The following ZNF436 variants were observed in gnomAD, a reference collection of about 807,000 sequenced individuals.
ZNF436 encodes the protein zinc finger protein 436.
A neutral mutation model predicts 41.9 loss-of-function variants in ZNF436; 22 were observed. The ratio of observed to expected loss-of-function variants is 0.53; its 90% CI spans 0.38 to 0.75. ZNF436 has a LOEUF of 0.75. Ranked by LOEUF, ZNF436 falls within the 30% of genes least tolerant of loss-of-function variation. The pLI is 0.00. For synonymous variants in ZNF436, 217 were observed against 197.8 expected (o/e 1.10, Z -0.82); for missense variants, 506 against 587.3 (o/e 0.86, Z 1.43).
chr1:23,363,187 G>T lies in ZNF436; in HGVS notation c.195C>A (p.Pro65=). 4 of 1,613,462 alleles carry T rather than the reference G, an allele frequency of 2.5e-6. No homozygotes were observed. In the Middle Eastern group the frequency reaches 4.9e-4, roughly 200 times the overall value. The part of the protein sequence containing the change: ...FEIRSENEVN[P]KQEISEDVQF... ...GTACATCTTCACTAATCTCTTGCTT[G>T]GGATTTACCTCGTTCTCACTCCTGA... Residue 65 remains proline, a synonymous_variant, in exon 4 of 4, where the codon CCC becomes CCA. Transcript: ENST00000314011.
rs369424320 is a variant in ZNF436, at chr1:23,367,065, T to C, written c.137A>G (p.Asn46Ser). The C allele has an allele frequency of 6.2e-7, 1 of 1,613,762 alleles. No homozygotes were observed. The highest frequency in any genetic ancestry group is 1.1e-5 in the South Asian group (1 of 90,968). Reference sequence around the variant, plus strand: ...ACCTAGTGAGACAACATTTCCATAATTCTCCTGCATAACATCCCGGTAAAG... The same window carrying C: ...ACCTAGTGAGACAACATTTCCATAACTCTCCTGCATAACATCCCGGTAAAG... ...RDLYRDVMQE[N>S]YGNVVSLDFE... The change falls in exon 3 of 4, where the codon AAT (asparagine) becomes AGT (serine). Residue 46 changes from asparagine (N) to serine (S), a missense_variant. By Grantham distance (46) the Asn-to-Ser change is conservative. Coordinates refer to ENST00000314011, the MANE Select transcript of ZNF436 (RefSeq NM_001077195.2).
rs1383442674 is a variant in ZNF436, at chr1:23,368,760, C to A, written c.-61+606G>T. ...AAGTCAGGCCAATTTAGGCGCTGGC[C>A]TGTGTTGAGCTGAGCTAGAATGAGC... On this transcript the variant is annotated intron_variant, in intron 1 of 3. Transcript: ENST00000314011. 2.0e-5 allele frequency among the ~76,000 whole-genome samples: 3 copies of A among 152,198 alleles called. No individual in the cohort carries two copies. The East Asian group carries it at 5.8e-4, about 29-fold the overall frequency.
chr1:23,363,105 C>T lies in ZNF436; in HGVS notation c.277G>A (p.Glu93Lys), dbSNP rs149679896. ...CTATCTCCGCTTTCAAAGCCCTCTT[C>T]ACTTTCAGGATTTTCCTCAGCATTC... is the stretch of plus-strand genomic sequence containing the variant. ...AENAEENPES[E>K]EGFESGDRSE... Residue 93 changes from glutamate (E) to lysine (K), a missense_variant, in exon 4 of 4, where the codon GAA becomes AAA. Coordinates refer to ENST00000314011, the MANE Select transcript of ZNF436 (RefSeq NM_001077195.2). 6.2e-7 allele frequency: 1 copy of T among 1,614,204 alleles called. No homozygotes were observed. Among genetic ancestry groups the T allele is most frequent in the South Asian group, 1.1e-5 (1 of 91,086 alleles).
At chr1:23,368,770 C>T (rs1053410315) in intron 1 of ZNF436, among the ~76,000 whole-genome samples, 1 of 152,204 alleles carries the variant, frequency 6.6e-6, no homozygotes, top group African/African-American at 2.4e-5. Context: ...CTGTGTTGAG[C>T]TGAGCTAGAA....
At chr1:23,368,399 C>A in intron 1 of ZNF436, 1 of 205,472 alleles carries the variant, frequency 4.9e-6, no homozygotes, top group South Asian at 7.3e-5. Context: ...CTGCCTCAGC[C>A]AATCAGCGAG....
chr1:23,362,328 G>A lies in ZNF436; in HGVS notation c.1054C>T (p.His352Tyr). 6.2e-7 allele frequency: 1 copy of A among 1,614,006 alleles called. No homozygotes were observed. The highest frequency in any genetic ancestry group is 8.5e-7 in the Non-Finnish European group (1 of 1,180,014). Residue 352 changes from histidine (H) to tyrosine (Y), a missense_variant, in exon 4 of 4, where the codon CAC becomes TAC. Transcript: ENST00000314011. ...TTCTCTCCAGTGTGAGTTCTCTGGTGCTGAACCAAGTGTGAGATGCGGCTG... is the reference window on the plus strand; with the variant it reads ...TTCTCTCCAGTGTGAGTTCTCTGGTACTGAACCAAGTGTGAGATGCGGCTG... ...NFSRISHLVQ[H>Y]QRTHTGEKPY...
chr1:23,360,809 T>C lies in ZNF436; in HGVS notation c.*1160A>G, dbSNP rs1646990472. The stretch of plus-strand genomic sequence containing the variant: ...CACACTAAAGCACTAGTGTTTAAAT[T>C]ATTTTCCATAATGAAAAAAGGACAT... On this transcript the variant is annotated 3_prime_UTR_variant, in exon 4 of 4. Coordinates refer to ENST00000314011, the MANE Select transcript of ZNF436 (RefSeq NM_001077195.2). 6.6e-6 allele frequency: 1 copy of C among 152,656 alleles called. No individual in the cohort carries two copies. The highest frequency in any genetic ancestry group is 2.1e-4 in the South Asian group (1 of 4,834). 9.5% of individuals were successfully genotyped at this position (152,656 alleles called of 1,614,324 possible).
intron 1 of ZNF436, among the ~76,000 whole-genome samples, chr1:23,368,650 G>A (rs1413171242): frequency 3.3e-5 from 5 of 152,234 alleles, no homozygotes; most frequent in Admixed American, 3.3e-4. Context: ...TTCTTATGGA[G>A]ACTGCAGCAC....
At chr1:23,369,202 G>A (rs1475618498) in intron 1 of ZNF436, 164 bp downstream of exon 1, 2 of 411,084 alleles carry the variant, frequency 4.9e-6, no homozygotes, top group Admixed American at 2.9e-5. Context: ...CCTCCTTAGC[G>A]TCCCAGAGGG....
chr1:23,366,443 G>A (rs1247891876), intron 3 of ZNF436, among the ~76,000 whole-genome samples: 1 of 152,110 alleles, frequency 6.6e-6, no homozygotes, highest in Non-Finnish European at 1.5e-5. Flanking sequence ...ACAGCAAAGA[G>A]AGAAGACAGG....
intron 3 of ZNF436, among the ~76,000 whole-genome samples, chr1:23,364,222 T>TTTTG (rs1431572519): frequency 6.6e-6 from 1 of 152,090 alleles, no homozygotes; most frequent in Non-Finnish European, 1.5e-5. Flanking sequence ...GCCACTATGT[T>TTTTG]TTTGTTTGTT....
In ZNF436 at chr1:23,369,413, G is replaced by A. The variant is rs1461567622; in HGVS notation, c.-108C>T. 1 of 534,564 alleles carries A rather than the reference G, an allele frequency of 1.9e-6. No individual in the cohort carries two copies. The highest frequency in any genetic ancestry group is 3.8e-6 in the Non-Finnish European group (1 of 260,026). The allele number at this position is 534,564 out of a possible 1,614,324, so 33.1% of individuals were successfully genotyped here. ...CTAGATCGTCGTCTCCAAAACCTGA[G>A]AGACCGCGAACGGGTTCCAGAGCCG... On this transcript the variant is annotated 5_prime_UTR_variant, in exon 1 of 4. Coordinates refer to ENST00000314011, the MANE Select transcript of ZNF436 (RefSeq NM_001077195.2).
rs940400202 is a variant in ZNF436, at chr1:23,362,966, A to G, written c.416T>C (p.Ile139Thr). Residue 139 changes from isoleucine (I) to threonine (T), a missense_variant, in exon 4 of 4, where the codon ATA becomes ACA. This residue lies in a region of ZNF436 where 228 missense variants were observed against 215.1 expected (regional missense o/e 1.06). Transcript: ENST00000314011. ...KEVHTGIRYH[I>T]CSHCGKAFSQ... ...GAAGGCCTTTCCACAATGAGAACAT[A>G]TATGATAGCGGATGCCTGTGTGGAC... The G allele has an allele frequency of 5.0e-6, 8 of 1,614,068 alleles. No individual in the cohort carries two copies. In the Admixed American group the frequency reaches 1.0e-4, roughly 20 times the overall value.
At chr1:23,364,651 G>A (rs1249518386) in intron 3 of ZNF436, among the ~76,000 whole-genome samples, 1 of 152,212 alleles carries the variant, frequency 6.6e-6, no homozygotes, top group Non-Finnish European at 1.5e-5. Flanking sequence ...AATGAAAATA[G>A]GAGTGGGAAA....
intron 2 of ZNF436, 72 bp downstream of exon 2, chr1:23,367,901 C>G: frequency 6.4e-7 from 1 of 1,558,970 alleles, no homozygotes; most frequent in Non-Finnish European, 8.8e-7. Context: ...CCCACAGGGA[C>G]TTGCAGAGCA....
rs1646986859 is a variant in ZNF436, at chr1:23,360,491, TTTC to T, written c.*1475_*1477del. ...TTGGATAGCATCAACACTTGAGATA[TTTC>T]TTAATTCCTACCTGGACTGAGATTA... On this transcript the variant is annotated 3_prime_UTR_variant, in exon 4 of 4. Transcript: ENST00000314011. 2 of 152,222 alleles carry T rather than the reference TTTC, an allele frequency of 1.3e-5. No homozygotes were observed. Among genetic ancestry groups the T allele is most frequent in the Admixed American group, 1.3e-4 (2 of 15,280 alleles). 9.4% of individuals were successfully genotyped at this position (152,222 alleles called of 1,614,324 possible). A position where few individuals can be genotyped will look rare whatever the true frequency, so the allele number is the denominator to read the frequency against.
At chr1:23,363,978 G>T (rs1293613833) in intron 3 of ZNF436, among the ~76,000 whole-genome samples, 2 of 152,068 alleles carry the variant, frequency 1.3e-5, no homozygotes, top group Non-Finnish European at 2.9e-5. Context: ...GGAGTTCAAG[G>T]CTGCAATAAG....
chr1:23,361,674 T>G lies in ZNF436; in HGVS notation c.*295A>C. 3.5e-6 allele frequency: 1 copy of G among 287,150 alleles called. No homozygotes were observed. The highest frequency in any genetic ancestry group is 6.5e-6 in the Non-Finnish European group (1 of 152,988). 17.8% of individuals were successfully genotyped at this position (287,150 alleles called of 1,614,324 possible). ...AATAACATTGAAAGATTTACTCCATTTCCAGGCCTAAGCATTCACCAGCAT... is the reference window on the plus strand; with the variant it reads ...AATAACATTGAAAGATTTACTCCATGTCCAGGCCTAAGCATTCACCAGCAT... On this transcript the variant is annotated 3_prime_UTR_variant, in exon 4 of 4. Transcript: ENST00000314011.
rs759821756 is a variant in ZNF436, at chr1:23,369,500, T to G, written c.-195A>C. On this transcript the variant is annotated 5_prime_UTR_variant, in exon 1 of 4. Transcript: ENST00000314011. ...AGAGAGCACGGGCAGGTCCCGGAGG[T>G]CTCAGACCCGCAGGTAGATCTCGAA... The G allele has an allele frequency of 1.5e-5, 8 of 531,468 alleles. No homozygotes were observed. The highest frequency in any genetic ancestry group is 2.7e-5 in the Non-Finnish European group (7 of 257,484). 32.9% of individuals were successfully genotyped at this position (531,468 alleles called of 1,614,324 possible).
Sources: allele counts gnomAD v4.1 joint callset (sites outside exome capture counted in the v4.1 genomes callset), GRCh38; gene constraint gnomAD v4.1.1; regional missense constraint gnomAD v4.1.1; transcripts MANE v1.5; gene names NCBI Gene and HGNC (gene_info 2026-07-23, HGNC 2026-07-21).